Variants in SLC12A6 observed in about 807,000 individuals in gnomAD.
The protein encoded by SLC12A6 is K-Cl cotransporter 3.
A neutral mutation model predicts 135.3 loss-of-function variants in SLC12A6; 66 were observed. The ratio of observed to expected loss-of-function variants is 0.49; its 90% CI spans 0.40 to 0.60. SLC12A6 has a LOEUF of 0.60. Ranked by LOEUF, SLC12A6 falls within the 20% of genes least tolerant of loss-of-function variation. The pLI, the probability that SLC12A6 is intolerant of heterozygous loss-of-function variation, is 0.00. For synonymous variants in SLC12A6, 513 were observed against 508.8 expected, an observed-to-expected ratio of 1.01 and a Z score of -0.11; for missense variants, 1,058 against 1,452.3, an observed-to-expected ratio of 0.73 and a Z score of 4.41.
intron 2 of SLC12A6, among the ~76,000 whole-genome samples, chr15:34,299,174 G>C (rs941511365): frequency 2.0e-5 from 3 of 152,100 alleles, no homozygotes; most frequent in African/African-American, 7.2e-5. Flanking sequence ...GATGATGGTG[G>C]GGATGATGGT....
At chr15:34,235,064 CCCTT>C in intron 25 of SLC12A6, 113 bp downstream of exon 25, 2 of 981,524 alleles carry the variant, frequency 2.0e-6, no homozygotes, top group Non-Finnish European at 3.3e-6. Flanking sequence ...TTTTAAGTCT[CCCTT>C]CCTTAAAGAG....
At chr15:34,310,416 T>A (rs767737849) in intron 2 of SLC12A6, among the ~76,000 whole-genome samples, 6 of 101,904 alleles carry the variant, frequency 5.9e-5, no homozygotes, top group Admixed American at 9.8e-5. Flanking sequence ...TGGGCTCAAG[T>A]GTGTGTGTGT....
At chr15:34,271,066 C>T (rs1194169559) in intron 3 of SLC12A6, among the ~76,000 whole-genome samples, 1 of 151,996 alleles carries the variant, frequency 6.6e-6, no homozygotes, top group Non-Finnish European at 1.5e-5. Context: ...TTGTTACCTC[C>T]CACAAAACGT....
intron 2 of SLC12A6, among the ~76,000 whole-genome samples, chr15:34,307,303 C>T (rs1896664524): frequency 6.6e-6 from 1 of 152,082 alleles, no homozygotes; most frequent in African/African-American, 2.4e-5. Flanking sequence ...ACAGGAAGTT[C>T]ACTAAACTTT....
At chr15:34,310,363 AGTGT>A in intron 2 of SLC12A6, among the ~76,000 whole-genome samples, 1 of 63,604 alleles carries the variant, frequency 1.6e-5, no homozygotes, top group South Asian at 5.4e-4. Context: ...CCTGGGCTCA[AGTGT>A]GTGTGTGTGT....
intron 25 of SLC12A6, 34 bp from the exon 26 acceptor site, chr15:34,234,006 G>C (rs1891088092): frequency 9.0e-7 from 1 of 1,105,338 alleles, no homozygotes; most frequent in Non-Finnish European, 1.4e-6. Flanking sequence ...GGCAAAAGAA[G>C]AGCACAAACT....
intron 2 of SLC12A6, among the ~76,000 whole-genome samples, chr15:34,286,844 C>T (rs1895116061): frequency 6.6e-6 from 1 of 152,094 alleles, no homozygotes; most frequent in Non-Finnish European, 1.5e-5. Flanking sequence ...TCTCCTAATT[C>T]ACAAGATATG....
intron 2 of SLC12A6, chr15:34,318,746 A>T: frequency 6.2e-7 from 1 of 1,606,284 alleles, no homozygotes; most frequent in Admixed American, 1.7e-5. Context: ...TTCCCTGCCT[A>T]CCTCTTCCTT....
intron 15 of SLC12A6, among the ~76,000 whole-genome samples, chr15:34,244,705 C>G (rs2140686215): frequency 6.6e-6 from 1 of 152,298 alleles, no homozygotes; most frequent in South Asian, 2.1e-4. Context: ...CATTCTCTGC[C>G]TGGAATGTTC....
intron 2 of SLC12A6, among the ~76,000 whole-genome samples, chr15:34,276,812 A>T (rs773983253): frequency 2.0e-5 from 3 of 152,180 alleles, no homozygotes; most frequent in South Asian, 2.1e-4. Flanking sequence ...CATAGTCCAC[A>T]TATGTTTTAC....
chr15:34,322,861 C>G (rs913284595), intron 2 of SLC12A6, among the ~76,000 whole-genome samples: 3 of 150,968 alleles, frequency 2.0e-5, no homozygotes, highest in Non-Finnish European at 4.4e-5. Flanking sequence ...GCCTGTAACC[C>G]CAGCTACTCG....
intron 3 of SLC12A6, among the ~76,000 whole-genome samples, chr15:34,262,014 A>C (rs1452445343): frequency 6.6e-6 from 1 of 152,214 alleles, no homozygotes; most frequent in Non-Finnish European, 1.5e-5. Context: ...TACCCAAAGG[A>C]AAATAAATCA....
rs1250736879 is a variant in SLC12A6, at chr15:34,231,913, T to C, written c.*1968A>G. 1 of 148,880 alleles carries C rather than the reference T, an allele frequency of 6.7e-6. No individual in the cohort carries two copies. The highest frequency in any genetic ancestry group is 1.5e-5 in the Non-Finnish European group (1 of 67,198). 9.2% of individuals were successfully genotyped at this position (148,880 alleles called of 1,614,324 possible). On this transcript the variant is annotated 3_prime_UTR_variant, in exon 26 of 26. Transcript: ENST00000354181. ...CCCAAAATTACTCAATTTCTTAAGC[T>C]ATATTGAAGGGTTTTCTCTGTCCTT...
At chr15:34,234,390 TGAGACA>T (rs923012045) in intron 25 of SLC12A6, among the ~76,000 whole-genome samples, 2 of 152,136 alleles carry the variant, frequency 1.3e-5, no homozygotes, top group African/African-American at 4.8e-5. Context: ...CTTTTTTTTT[TGAGACA>T]GAATTTCCTC....
intron 24 of SLC12A6, 45 bp downstream of exon 24, chr15:34,235,970 C>G (rs1891234029): frequency 6.9e-7 from 1 of 1,457,616 alleles, no homozygotes; most frequent in Admixed American, 1.7e-5. Context: ...ATTTGTGCCA[C>G]TGATTAGGTA....
At chr15:34,284,996 C>G (rs1894949544) in intron 2 of SLC12A6, among the ~76,000 whole-genome samples, 2 of 152,256 alleles carry the variant, frequency 1.3e-5, no homozygotes, top group African/African-American at 2.4e-5. Context: ...ACAGAATAAG[C>G]AAGTTGAAAG....
rs1402031860 is a variant in SLC12A6, at chr15:34,229,798, A to G, written c.*4083T>C. ...AGGACTGCTTTTGTGAACATGAGAA[A>G]GCAGCGCCTGGTCCCTATGTATTTG... is the stretch of plus-strand genomic sequence containing the variant. On this transcript the variant is annotated 3_prime_UTR_variant, in exon 26 of 26. Coordinates refer to ENST00000354181, the MANE Select transcript of SLC12A6 (RefSeq NM_001365088.1). The G allele has an allele frequency of 6.2e-7, 1 of 1,611,950 alleles. No homozygotes were observed. The highest frequency in any genetic ancestry group is 1.7e-5 in the Admixed American group (1 of 59,664).
chr15:34,301,606 G>C (rs1896262574), intron 2 of SLC12A6, among the ~76,000 whole-genome samples: 1 of 152,240 alleles, frequency 6.6e-6, no homozygotes, highest in South Asian at 2.1e-4. Context: ...CTATGGAGCA[G>C]AACACACAAC....
chr15:34,300,407 T>C (rs1201702734), intron 2 of SLC12A6, among the ~76,000 whole-genome samples: 1 of 152,070 alleles, frequency 6.6e-6, no homozygotes, highest in Non-Finnish European at 1.5e-5. Context: ...TACAACATTG[T>C]TGGAAATGAT....
Sources: gnomAD v4.1 joint callset for allele counts (sites outside exome capture counted in the v4.1 genomes callset) on GRCh38, gnomAD v4.1.1 for gene constraint, MANE v1.5 for transcripts, NCBI Gene and HGNC (gene_info 2026-07-23, HGNC 2026-07-21) for gene names.